Variants in SOX5 observed in about 807,000 individuals in gnomAD.
The protein encoded by SOX5 is transcription factor SOX-5.
Under a neutral mutation model 92.0 loss-of-function variants are expected in SOX5, and 9 were observed. That is an observed-to-expected ratio of 0.10 (90% CI 0.06 to 0.17). SOX5 has a LOEUF of 0.17. SOX5 is among the 10% of genes least tolerant of loss of function. The pLI is 1.00. For missense variants in SOX5, 642 were observed against 944.5 expected (o/e 0.68, Z 4.20); for synonymous variants, 344 against 336.3 (o/e 1.02, Z -0.25).
intron 1 of SOX5, among the ~76,000 whole-genome samples, chr12:23,947,783 G>A (rs1944844679): frequency 6.6e-6 from 1 of 151,506 alleles, no homozygotes. Context: ...GAAAAGTTTA[G>A]TTTAAAAAGA....
intron 1 of SOX5, among the ~76,000 whole-genome samples, chr12:23,948,106 A>T (rs1386727305): frequency 1.3e-5 from 2 of 152,072 alleles, no homozygotes; most frequent in African/African-American, 4.8e-5. Context: ...TATATTTGCA[A>T]ATAAAAGCTC....
At chr12:24,004,308 C>CAA (rs33923653) in intron 4 of SOX5, among the ~76,000 whole-genome samples, 2 of 147,074 alleles carry the variant, frequency 1.4e-5, no homozygotes, top group African/African-American at 5.0e-5. Context: ...TTTTGTTTCT[C>CAA]AAAAAAAAAA....
At chr12:23,981,622 G>T (rs1175238722) in intron 4 of SOX5, among the ~76,000 whole-genome samples, 1 of 152,044 alleles carries the variant, frequency 6.6e-6, no homozygotes, top group Admixed American at 6.6e-5. Context: ...TTAAAAAATT[G>T]AATGTGGCCT....
intron 11 of SOX5, among the ~76,000 whole-genome samples, chr12:23,551,532 CACTT>C (rs1369477707): frequency 6.6e-6 from 1 of 151,860 alleles, no homozygotes; most frequent in African/African-American, 2.4e-5. Flanking sequence ...CACAAATACA[CACTT>C]TCCTCTAACT....
At chr12:24,293,394 G>A (rs1285617309) in intron 2 of SOX5, among the ~76,000 whole-genome samples, 1 of 152,124 alleles carries the variant, frequency 6.6e-6, no homozygotes, top group Non-Finnish European at 1.5e-5. Flanking sequence ...TTAATGTGAG[G>A]TAGTTATACA....
chr12:24,069,709 G>A (rs1205024472), intron 4 of SOX5, among the ~76,000 whole-genome samples: 2 of 152,160 alleles, frequency 1.3e-5, no homozygotes, highest in African/African-American at 4.8e-5. Flanking sequence ...GCATCCTAAT[G>A]CTTTTACAAG....
chr12:24,191,065 G>T (rs1956477450), intron 4 of SOX5, among the ~76,000 whole-genome samples: 1 of 152,160 alleles, frequency 6.6e-6, no homozygotes, highest in South Asian at 2.1e-4. Context: ...GGACTCAAGG[G>T]AGTGGCTGGG....
At chr12:23,634,058 A>G (rs1420761641) in intron 8 of SOX5, among the ~76,000 whole-genome samples, 1 of 152,120 alleles carries the variant, frequency 6.6e-6, no homozygotes, top group Admixed American at 6.6e-5. Flanking sequence ...TGGCCATTAA[A>G]TTAATATCAT....
chr12:23,883,937 A>G (rs1724765276), intron 2 of SOX5, among the ~76,000 whole-genome samples: 1 of 152,232 alleles, frequency 6.6e-6, no homozygotes, highest in African/African-American at 2.4e-5. Flanking sequence ...CAAGAGATTG[A>G]GACTTCTACA....
intron 9 of SOX5, among the ~76,000 whole-genome samples, chr12:23,584,246 A>G (rs370298989): frequency 6.6e-6 from 1 of 151,954 alleles, no homozygotes; most frequent in African/African-American, 2.4e-5. Context: ...GACGGGGGGA[A>G]AAAACCACTG....
intron 11 of SOX5, among the ~76,000 whole-genome samples, chr12:23,557,787 A>G (rs1325558415): frequency 3.3e-5 from 5 of 152,092 alleles, no homozygotes; most frequent in Non-Finnish European, 7.4e-5. Flanking sequence ...CATCCTGGCG[A>G]CCATGGTGAA....
chr12:24,247,786 G>A (rs1481540072), intron 3 of SOX5, among the ~76,000 whole-genome samples: 1 of 151,364 alleles, frequency 6.6e-6, no homozygotes, highest in Non-Finnish European at 1.5e-5. Flanking sequence ...GAGTAGCTGG[G>A]ACTACAGGTG....
At chr12:24,047,127 G>A (rs929215572) in intron 4 of SOX5, among the ~76,000 whole-genome samples, 1 of 152,160 alleles carries the variant, frequency 6.6e-6, no homozygotes, top group Non-Finnish European at 1.5e-5. Flanking sequence ...CAAAGAGACA[G>A]TAGGGTGACA....
intron 4 of SOX5, among the ~76,000 whole-genome samples, chr12:24,200,545 T>C (rs1018336181): frequency 3.9e-5 from 6 of 152,120 alleles, no homozygotes; most frequent in African/African-American, 7.2e-5. Flanking sequence ...CACTCATATA[T>C]AGGGACAACA....
chr12:23,613,824 T>C (rs1566343460), intron 8 of SOX5, among the ~76,000 whole-genome samples: 2 of 152,178 alleles, frequency 1.3e-5, no homozygotes, highest in African/African-American at 4.8e-5. Context: ...ATTAAATTCA[T>C]AGAGACAGAA....
intron 1 of SOX5, among the ~76,000 whole-genome samples, chr12:23,934,846 T>C (rs7956374): frequency 0.33 from 49,269 of 151,070 alleles, 9,222 homozygotes; most frequent in Non-Finnish European, 0.44. Context: ...AATTAAGGCA[T>C]GCAGAGTTTA....
intron 4 of SOX5, among the ~76,000 whole-genome samples, chr12:24,113,520 T>A (rs1250115528): frequency 7.2e-5 from 11 of 152,140 alleles, no homozygotes; most frequent in African/African-American, 2.4e-4. Context: ...TATAAAACCT[T>A]AATTATTATG....
At chr12:24,248,818 C>T (rs183138158) in intron 3 of SOX5, among the ~76,000 whole-genome samples, 1 of 152,150 alleles carries the variant, frequency 6.6e-6, no homozygotes. Context: ...GGTAAGGTTA[C>T]TTGTTTATGT....
chr12:24,140,988 A>G (rs1263049911), intron 4 of SOX5, among the ~76,000 whole-genome samples: 2 of 152,188 alleles, frequency 1.3e-5, no homozygotes, highest in Non-Finnish European at 2.9e-5. Context: ...TTAAAAAATA[A>G]CTAATCCTCA....
Sources: allele counts gnomAD v4.1 joint callset (sites outside exome capture counted in the v4.1 genomes callset), GRCh38; gene constraint gnomAD v4.1.1; transcripts MANE v1.5; gene names NCBI Gene and HGNC (gene_info 2026-07-23, HGNC 2026-07-21).